TMEM163: variants seen among roughly 807,000 people sequenced by gnomAD.
TMEM163 encodes transmembrane protein 163.
TMEM163 carries 17 observed loss-of-function variants against 29.3 expected under a neutral mutation model. That is an observed-to-expected ratio of 0.58 (90% CI 0.40 to 0.87). The LOEUF (loss-of-function observed/expected upper bound fraction) is 0.87. TMEM163 is among the 40% of genes least tolerant of loss of function. The pLI is 0.00. For synonymous variants in TMEM163, 157 were observed against 160.6 expected, an observed-to-expected ratio of 0.98 and a Z score of 0.17; for missense variants, 303 against 381.5, an observed-to-expected ratio of 0.79 and a Z score of 1.71.
Position 134,456,409 on chromosome 2 carries a change from A to T in TMEM163, c.*307T>A. On this transcript the variant is annotated 3_prime_UTR_variant, in exon 8 of 8. Transcript: ENST00000281924. ...GCGCAGGCTCAGAGCACCACCGAAGACCTTTCTGCCAAAGATCTCATCCTA... is the reference window on the plus strand; with the variant it reads ...GCGCAGGCTCAGAGCACCACCGAAGTCCTTTCTGCCAAAGATCTCATCCTA... 1 of 396,584 alleles carries T rather than the reference A, an allele frequency of 2.5e-6. No homozygotes were observed. Among genetic ancestry groups the T allele is most frequent in the Non-Finnish European group, 4.7e-6 (1 of 211,012 alleles). The allele number at this position is 396,584 out of a possible 1,614,324, so 24.6% of individuals were successfully genotyped here. A position where few individuals can be genotyped will look rare whatever the true frequency, so the allele number is the denominator to read the frequency against.
intron 4 of TMEM163, among the ~76,000 whole-genome samples, chr2:134,517,956 A>G (rs916781155): frequency 2.6e-5 from 4 of 152,212 alleles, no homozygotes; most frequent in Non-Finnish European, 5.9e-5. Flanking sequence ...GATGGAAAAA[A>G]AAAAATGCAC....
chr2:134,581,443 T>C (rs1681691099), intron 2 of TMEM163, among the ~76,000 whole-genome samples: 1 of 152,260 alleles, frequency 6.6e-6, no homozygotes, highest in Non-Finnish European at 1.5e-5. Context: ...TTCTCCACTT[T>C]ACTTTGGTGA....
At chr2:134,611,631 A>G (rs1682505806) in intron 2 of TMEM163, among the ~76,000 whole-genome samples, 1 of 152,208 alleles carries the variant, frequency 6.6e-6, no homozygotes, top group Non-Finnish European at 1.5e-5. Context: ...ACAAGGACAC[A>G]TAGGCTAAAA....
At chr2:134,636,108 C>T (rs1035332687) in intron 2 of TMEM163, among the ~76,000 whole-genome samples, 15 of 152,166 alleles carry the variant, frequency 9.9e-5, no homozygotes, top group South Asian at 2.1e-4. Context: ...GTCACTAACA[C>T]GAGGACATGT....
At chr2:134,635,951 G>T (rs1683093615) in intron 2 of TMEM163, among the ~76,000 whole-genome samples, 1 of 152,178 alleles carries the variant, frequency 6.6e-6, no homozygotes, top group Non-Finnish European at 1.5e-5. Flanking sequence ...CCTGCTGGTT[G>T]TTAAAATCCC....
At chr2:134,521,963 A>G (rs944923798) in intron 4 of TMEM163, among the ~76,000 whole-genome samples, 3 of 152,212 alleles carry the variant, frequency 2.0e-5, no homozygotes, top group African/African-American at 7.2e-5. Context: ...AAGGTTGCCA[A>G]GCTGAGATGT....
At chr2:134,714,819 G>A (rs890307007) in intron 1 of TMEM163, among the ~76,000 whole-genome samples, 1 of 152,164 alleles carries the variant, frequency 6.6e-6, no homozygotes, top group Non-Finnish European at 1.5e-5. Flanking sequence ...GTCAAATTCT[G>A]CCCAGGTACA....
At chr2:134,711,676 CAT>C (rs1378946260) in intron 2 of TMEM163, among the ~76,000 whole-genome samples, 2 of 152,130 alleles carry the variant, frequency 1.3e-5, no homozygotes, top group African/African-American at 4.8e-5. Context: ...TCAGGTGTAA[CAT>C]GTGAAACCAA....
At chr2:134,679,236 C>A (rs1406033180) in intron 2 of TMEM163, among the ~76,000 whole-genome samples, 1 of 152,186 alleles carries the variant, frequency 6.6e-6, no homozygotes, top group Admixed American at 6.5e-5. Flanking sequence ...ATCAGCGGAG[C>A]CATGCTGGGG....
At chr2:134,666,857 T>C in intron 2 of TMEM163, among the ~76,000 whole-genome samples, 1 of 152,200 alleles carries the variant, frequency 6.6e-6, no homozygotes, top group Non-Finnish European at 1.5e-5. Context: ...AGGCGTTCGA[T>C]AAATGTAAAC....
At chr2:134,551,949 T>C (rs1680939770) in intron 3 of TMEM163, 99 bp downstream of exon 3, 6 of 921,680 alleles carry the variant, frequency 6.5e-6, no homozygotes, top group Non-Finnish European at 1.0e-5. Context: ...TGCTAAGCTC[T>C]CATACACTAA....
At chr2:134,458,232 C>A in intron 6 of TMEM163, 59 bp from the exon 7 acceptor site, 1 of 1,600,626 alleles carries the variant, frequency 6.2e-7, no homozygotes, top group African/African-American at 1.3e-5. Flanking sequence ...GAAAATCACC[C>A]AAATGCCAGT....
At chr2:134,504,360 T>G (rs1031374315) in intron 4 of TMEM163, among the ~76,000 whole-genome samples, 2 of 151,822 alleles carry the variant, frequency 1.3e-5, no homozygotes, top group Admixed American at 1.3e-4. Context: ...GGAAAAGGAA[T>G]GAATGGGTTA....
chr2:134,699,274 C>T (rs143984509), intron 2 of TMEM163, among the ~76,000 whole-genome samples: 388 of 152,190 alleles, frequency 2.5e-3, no homozygotes, highest in African/African-American at 8.7e-3. Context: ...GAGGCCAAGG[C>T]GGGCAGATCA....
At chr2:134,626,331 C>A (rs1364749306) in intron 2 of TMEM163, among the ~76,000 whole-genome samples, 1 of 152,076 alleles carries the variant, frequency 6.6e-6, no homozygotes, top group Non-Finnish European at 1.5e-5. Context: ...TCTCGAACTC[C>A]TGACCTCATG....
chr2:134,496,025 C>A (rs541143735), intron 5 of TMEM163, among the ~76,000 whole-genome samples: 2 of 151,856 alleles, frequency 1.3e-5, no homozygotes, highest in African/African-American at 2.4e-5. Flanking sequence ...AGATCTATAA[C>A]GAAATTTGTT....
At chr2:134,523,037 C>T (rs1244539631) in intron 4 of TMEM163, among the ~76,000 whole-genome samples, 3 of 152,200 alleles carry the variant, frequency 2.0e-5, no homozygotes, top group Non-Finnish European at 4.4e-5. Flanking sequence ...ATCACGACTC[C>T]ACATTCAATC....
chr2:134,703,812 T>C (rs1245880288), intron 2 of TMEM163, among the ~76,000 whole-genome samples: 3 of 151,388 alleles, frequency 2.0e-5, no homozygotes, highest in Admixed American at 2.0e-4. Context: ...GCTGTCATTC[T>C]TAACGTTCTT....
intron 2 of TMEM163, among the ~76,000 whole-genome samples, chr2:134,678,519 C>G (rs1372435667): frequency 1.3e-5 from 2 of 152,232 alleles, no homozygotes; most frequent in South Asian, 4.1e-4. Context: ...AATCCTCCCA[C>G]CAGGATGAGG....
Sources: gnomAD v4.1 joint callset for allele counts (sites outside exome capture counted in the v4.1 genomes callset) on GRCh38, gnomAD v4.1.1 for gene constraint, MANE v1.5 for transcripts, NCBI Gene and HGNC (gene_info 2026-07-23, HGNC 2026-07-21) for gene names.